Variants in ARB2A observed in about 807,000 individuals in gnomAD.
ARB2A encodes the protein ARB2 cotranscriptional regulator A.
At chr5:93,883,128 T>C in the ARB2A span, among the ~76,000 whole-genome samples, 25 of 151,676 alleles carry the variant, frequency 1.6e-4, no homozygotes, top group Middle Eastern at 6.8e-3. Flanking sequence ...TTTCTATTTT[T>C]TCCTCCATCA....
chr5:94,103,203 C>T, the ARB2A span, among the ~76,000 whole-genome samples: 3 of 152,018 alleles, frequency 2.0e-5, no homozygotes, highest in African/African-American at 7.2e-5. Context: ...CTAACTACAC[C>T]ACTTAAGAGA....
chr5:93,893,862 C>A, the ARB2A span, among the ~76,000 whole-genome samples: 103 of 152,308 alleles, frequency 6.8e-4, no homozygotes, highest in African/African-American at 2.3e-3. Flanking sequence ...GGGCCATTTT[C>A]AGTCAACTGT....
the ARB2A span, chr5:93,737,510 G>A: frequency 6.6e-6 from 1 of 152,544 alleles, no homozygotes; most frequent in Non-Finnish European, 1.5e-5. Flanking sequence ...GTATATATAT[G>A]CCATATATAT....
the ARB2A span, among the ~76,000 whole-genome samples, chr5:94,108,614 A>G: frequency 1.3e-5 from 2 of 152,204 alleles, no homozygotes; most frequent in African/African-American, 2.4e-5. Flanking sequence ...GGACATGAAA[A>G]GATGCTTAAC....
the ARB2A span, among the ~76,000 whole-genome samples, chr5:93,655,136 C>CT: frequency 6.6e-6 from 1 of 152,116 alleles, no homozygotes; most frequent in Non-Finnish European, 1.5e-5. Flanking sequence ...CTTGAGGACT[C>CT]TATGAGATAA....
the ARB2A span, among the ~76,000 whole-genome samples, chr5:93,755,964 C>T: frequency 2.0e-5 from 3 of 152,134 alleles, no homozygotes; most frequent in Admixed American, 6.5e-5. Context: ...AGCTGGGAGG[C>T]GAGTAGCCTG....
the ARB2A span, among the ~76,000 whole-genome samples, chr5:93,813,265 G>T: frequency 2.6e-5 from 4 of 152,140 alleles, no homozygotes; most frequent in African/African-American, 7.2e-5. Context: ...AGATAAAGTG[G>T]CAAAGAACTT....
the ARB2A span, among the ~76,000 whole-genome samples, chr5:93,895,238 A>G: frequency 9.8e-5 from 15 of 152,298 alleles, no homozygotes; most frequent in East Asian, 2.9e-3. Context: ...AATTATTTCA[A>G]CCTTCAGGCC....
the ARB2A span, among the ~76,000 whole-genome samples, chr5:94,054,542 A>G: frequency 2.0e-5 from 3 of 152,284 alleles, no homozygotes; most frequent in Admixed American, 1.3e-4. Flanking sequence ...GGAACATGGT[A>G]TCAACAGGAC....
the ARB2A span, among the ~76,000 whole-genome samples, chr5:93,817,644 C>A: frequency 6.6e-6 from 1 of 152,096 alleles, no homozygotes; most frequent in African/African-American, 2.4e-5. Context: ...GAATAAAATA[C>A]AGTCCAGAAG....
the ARB2A span, among the ~76,000 whole-genome samples, chr5:93,903,760 T>C: frequency 2.6e-5 from 4 of 150,952 alleles, no homozygotes; most frequent in Admixed American, 6.6e-5. Context: ...CCTAGCCACA[T>C]AGCAGATAGT....
the ARB2A span, among the ~76,000 whole-genome samples, chr5:93,806,254 A>T: frequency 1.3e-5 from 2 of 151,940 alleles, no homozygotes; most frequent in Non-Finnish European, 2.9e-5. Flanking sequence ...TTCCATCTTA[A>T]TACTTTTATA....
At chr5:93,675,590 C>A in the ARB2A span, among the ~76,000 whole-genome samples, 3 of 152,172 alleles carry the variant, frequency 2.0e-5, no homozygotes, top group African/African-American at 7.2e-5. Context: ...TTAGAGGTTG[C>A]CCACTACTTT....
the ARB2A span, among the ~76,000 whole-genome samples, chr5:93,931,011 G>T: frequency 1.3e-5 from 2 of 152,100 alleles, no homozygotes; most frequent in Admixed American, 1.3e-4. Context: ...ACTGGCCCAG[G>T]TGTGTGTTGT....
the ARB2A span, chr5:93,737,542 ATG>A: frequency 6.4e-6 from 1 of 156,642 alleles, no homozygotes; most frequent in African/African-American, 2.4e-5. Context: ...ATATATATAT[ATG>A]GAAGAACAAA....
the ARB2A span, among the ~76,000 whole-genome samples, chr5:93,996,268 A>G: frequency 2.0e-5 from 3 of 152,246 alleles, no homozygotes; most frequent in South Asian, 6.2e-4. Context: ...CTAAGGCATT[A>G]AACAGGTTTC....
At chr5:93,870,611 T>C in the ARB2A span, among the ~76,000 whole-genome samples, 3 of 152,222 alleles carry the variant, frequency 2.0e-5, no homozygotes, top group African/African-American at 4.8e-5. Flanking sequence ...TTTCACTGTA[T>C]TGACATTTGC....
At chr5:94,110,457 G>A in the ARB2A span, among the ~76,000 whole-genome samples, 1 of 152,188 alleles carries the variant, frequency 6.6e-6, no homozygotes, top group Non-Finnish European at 1.5e-5. Flanking sequence ...TAGCCTGAAA[G>A]CATCCAGAGC....
chr5:93,638,033 T>C, the ARB2A span, among the ~76,000 whole-genome samples: 2 of 152,242 alleles, frequency 1.3e-5, no homozygotes, highest in Non-Finnish European at 2.9e-5. Context: ...ATTCTAAATA[T>C]ATTCTCAAAC....
Sources: gnomAD v4.1 joint callset for allele counts (sites outside exome capture counted in the v4.1 genomes callset) on GRCh38, gnomAD v4.1.1 for gene constraint, MANE v1.5 for transcripts, NCBI Gene and HGNC (gene_info 2026-07-23, HGNC 2026-07-21) for gene names.